The following ADARB2 variants were observed in gnomAD, a reference collection of about 807,000 sequenced individuals.
The protein encoded by ADARB2 is adenosine deaminase RNA specific B2 (inactive), also known as inactive double-stranded RNA-specific editase B2.
A neutral mutation model predicts 62.2 loss-of-function variants in ADARB2; 25 were observed. That is an observed-to-expected ratio of 0.40 (90% confidence interval 0.29 to 0.56). The LOEUF (loss-of-function observed/expected upper bound fraction) is 0.56. Ranked by LOEUF, ADARB2 falls within the 20% of genes least tolerant of loss-of-function variation. The pLI, the probability that ADARB2 is intolerant of heterozygous loss-of-function variation, is 0.43. For synonymous variants in ADARB2, 572 were observed against 500.8 expected (o/e 1.14, Z -1.90); for missense variants, 1,071 against 1,077.4 (o/e 0.99, Z 0.08).
chr10:1,496,834 C>CT (rs1362107317), intron 1 of ADARB2, among the ~76,000 whole-genome samples: 1 of 152,198 alleles, frequency 6.6e-6, no homozygotes, highest in Non-Finnish European at 1.5e-5. Context: ...TGTAACTTAA[C>CT]TTTCCTCATA....
intron 1 of ADARB2, among the ~76,000 whole-genome samples, chr10:1,591,249 G>A (rs1303604268): frequency 6.6e-6 from 1 of 152,200 alleles, no homozygotes; most frequent in Non-Finnish European, 1.5e-5. Context: ...CAGAGGCAGG[G>A]CTGCTGCTGT....
At chr10:1,483,316 C>T (rs2131926185) in intron 1 of ADARB2, among the ~76,000 whole-genome samples, 1 of 152,316 alleles carries the variant, frequency 6.6e-6, no homozygotes, top group East Asian at 1.9e-4. Flanking sequence ...TTTTTCTGAA[C>T]ACGTGAGCTC....
intron 1 of ADARB2, among the ~76,000 whole-genome samples, chr10:1,511,596 T>A (rs911772028): frequency 2.0e-5 from 3 of 152,102 alleles, no homozygotes; most frequent in African/African-American, 7.2e-5. Flanking sequence ...AGCACACATA[T>A]GAGCCATTAA....
At chr10:1,321,318 G>A (rs1248249777) in intron 3 of ADARB2, among the ~76,000 whole-genome samples, 1 of 152,150 alleles carries the variant, frequency 6.6e-6, no homozygotes, top group Non-Finnish European at 1.5e-5. Flanking sequence ...CCTGAAAACA[G>A]CCCATTGAGA....
chr10:1,632,210 A>G (rs1225855172), intron 1 of ADARB2, among the ~76,000 whole-genome samples: 1 of 152,230 alleles, frequency 6.6e-6, no homozygotes, highest in Admixed American at 6.5e-5. Flanking sequence ...ATCCAACTTC[A>G]TAAACACACT....
chr10:1,341,455 T>C (rs1490745268), intron 3 of ADARB2, among the ~76,000 whole-genome samples: 2 of 140,682 alleles, frequency 1.4e-5, no homozygotes, highest in African/African-American at 5.6e-5. Context: ...ATAACCGGCA[T>C]CCACCAGAGA....
At chr10:1,728,590 T>G (rs1050342985) in intron 1 of ADARB2, among the ~76,000 whole-genome samples, 1 of 152,200 alleles carries the variant, frequency 6.6e-6, no homozygotes, top group Non-Finnish European at 1.5e-5. Flanking sequence ...ATTACCCACA[T>G]ACAAGAGCCC....
At chr10:1,460,485 C>T (rs12784719) in intron 1 of ADARB2, among the ~76,000 whole-genome samples, 1 of 68,136 alleles carries the variant, frequency 1.5e-5, no homozygotes. Context: ...AGTTTACCTG[C>T]GTTACGAACC....
At chr10:1,320,680 G>A (rs1831787113) in intron 3 of ADARB2, among the ~76,000 whole-genome samples, 1 of 152,210 alleles carries the variant, frequency 6.6e-6, no homozygotes. Flanking sequence ...AGAGAACAGC[G>A]ATGCTGAGAT....
At chr10:1,489,884 G>T (rs182631555) in intron 1 of ADARB2, among the ~76,000 whole-genome samples, 96 of 152,148 alleles carry the variant, frequency 6.3e-4, no homozygotes, top group African/African-American at 2.2e-3. Context: ...AATGAGAGGG[G>T]GTCAAAATAC....
At chr10:1,713,895 T>C (rs896593888) in intron 1 of ADARB2, among the ~76,000 whole-genome samples, 3 of 152,206 alleles carry the variant, frequency 2.0e-5, no homozygotes, top group African/African-American at 4.8e-5. Flanking sequence ...CATACAAGCA[T>C]GGGCCAGGGT....
At chr10:1,469,908 A>G (rs1428118557) in intron 1 of ADARB2, among the ~76,000 whole-genome samples, 1 of 152,282 alleles carries the variant, frequency 6.6e-6, no homozygotes, top group Non-Finnish European at 1.5e-5. Context: ...TCTTGGAGAC[A>G]AGAATAAACA....
At chr10:1,351,178 T>C (rs143344770) in intron 3 of ADARB2, among the ~76,000 whole-genome samples, 2,414 of 152,294 alleles carry the variant, frequency 0.016, 61 homozygotes, top group African/African-American at 0.054. Flanking sequence ...CCCAAGGCTC[T>C]CTGACTCCTT....
intron 1 of ADARB2, among the ~76,000 whole-genome samples, chr10:1,693,683 C>T (rs1258056179): frequency 6.6e-6 from 1 of 152,150 alleles, no homozygotes; most frequent in Non-Finnish European, 1.5e-5. Flanking sequence ...AATGTGTCAG[C>T]TTCAATATAG....
chr10:1,496,118 A>AT (rs1831687116), intron 1 of ADARB2, among the ~76,000 whole-genome samples: 1 of 151,856 alleles, frequency 6.6e-6, no homozygotes, highest in Non-Finnish European at 1.5e-5. Flanking sequence ...CATCATCATC[A>AT]TTATCGTTAT....
At chr10:1,263,136 TG>T (rs1454516546) in intron 4 of ADARB2, among the ~76,000 whole-genome samples, 1 of 39,806 alleles carries the variant, frequency 2.5e-5, no homozygotes, top group East Asian at 1.0e-3. Flanking sequence ...TGTTGTGGGG[TG>T]GGGGGAGGGG....
At chr10:1,472,313 G>A (rs186558257) in intron 1 of ADARB2, among the ~76,000 whole-genome samples, 21 of 152,370 alleles carry the variant, frequency 1.4e-4, no homozygotes, top group Admixed American at 1.1e-3. Context: ...CCCAAGCAGA[G>A]ACCAAGGGCC....
At chr10:1,660,274 T>C (rs1332361071) in intron 1 of ADARB2, among the ~76,000 whole-genome samples, 1 of 152,272 alleles carries the variant, frequency 6.6e-6, no homozygotes, top group Non-Finnish European at 1.5e-5. Context: ...GCAGGTGCAC[T>C]AACAGCACTT....
chr10:1,698,440 G>T (rs1258784016), intron 1 of ADARB2, among the ~76,000 whole-genome samples: 1 of 152,182 alleles, frequency 6.6e-6, no homozygotes, highest in Non-Finnish European at 1.5e-5. Flanking sequence ...AGAGACATAC[G>T]CTTCCTCTTC....
Sources: gnomAD v4.1 joint callset for allele counts (sites outside exome capture counted in the v4.1 genomes callset) on GRCh38, gnomAD v4.1.1 for gene constraint, MANE v1.5 for transcripts, NCBI Gene and HGNC (gene_info 2026-07-23, HGNC 2026-07-21) for gene names.